The following SHROOM3 variants were observed in gnomAD, a reference collection of about 807,000 sequenced individuals.
SHROOM3 encodes shroom family member 3.
A neutral mutation model predicts 138.6 loss-of-function variants in SHROOM3; 47 were observed. That is an observed-to-expected ratio of 0.34 (90% CI 0.27 to 0.43). SHROOM3 has a LOEUF of 0.43. Among genes scored for constraint, SHROOM3 ranks in the 20% least tolerant of loss-of-function variants. The pLI is 1.00. For missense variants in SHROOM3, 2,491 were observed against 2,596.5 expected, an observed-to-expected ratio of 0.96 and a Z score of 0.88; for synonymous variants, 1,062 against 1,063.3, an observed-to-expected ratio of 1.00 and a Z score of 0.02.
chr4:76,480,469 A>G (rs1466680178), intron 1 of SHROOM3, among the ~76,000 whole-genome samples: 2 of 152,214 alleles, frequency 1.3e-5, no homozygotes, highest in African/African-American at 4.8e-5. Context: ...CCAATACAGG[A>G]GCACCCAGAT....
At chr4:76,703,089 G>A (rs1237997760) in intron 2 of SHROOM3, among the ~76,000 whole-genome samples, 25 of 152,220 alleles carry the variant, frequency 1.6e-4, no homozygotes, top group Non-Finnish European at 2.9e-5. Context: ...AGCAGGAGGT[G>A]CAAATGGACA....
intron 4 of SHROOM3, among the ~76,000 whole-genome samples, chr4:76,732,140 G>T (rs1237500423): frequency 2.0e-5 from 3 of 152,186 alleles, no homozygotes; most frequent in Non-Finnish European, 4.4e-5. Context: ...CAGGGAGTTA[G>T]ACTCCGTAGC....
rs572171894 is a variant in SHROOM3 at position 76,553,487 on chromosome 4, G to A, written c.169-2122G>A. ...GACGGGGTTTCACCATGTTGGCCAG[G>A]CTGGTCTCGAACTCCTGACCTCAGG... On this transcript the variant is annotated intron_variant, in intron 1 of 10. Coordinates refer to ENST00000296043, the MANE Select transcript of SHROOM3 (RefSeq NM_020859.4). 1.0e-3 allele frequency among the ~76,000 whole-genome samples: 152 copies of A among 152,076 alleles called. 1 individual carries two copies. The highest frequency in any genetic ancestry group is 6.8e-3 in the Middle Eastern group (2 of 294).
chr4:76,462,813 C>G (rs887139088), intron 1 of SHROOM3, among the ~76,000 whole-genome samples: 1 of 151,898 alleles, frequency 6.6e-6, no homozygotes, highest in Admixed American at 6.6e-5. Flanking sequence ...TTCCCTTTTG[C>G]CTTCCACCAT....
At chr4:76,613,122 G>C (rs1734798377) in intron 2 of SHROOM3, among the ~76,000 whole-genome samples, 2 of 152,158 alleles carry the variant, frequency 1.3e-5, no homozygotes, top group Non-Finnish European at 2.9e-5. Flanking sequence ...ACGAGTTGGT[G>C]GGGGCATTGT....
At position 76,740,577 on chromosome 4, in the gene SHROOM3, G is replaced by T. The variant is rs769127601; in HGVS notation, c.2404G>T (p.Gly802Cys). The change falls in exon 5 of 11, where the codon GGC becomes TGC. Residue 802 changes from glycine to cysteine, a missense_variant. Physicochemically the swap from Gly to Cys is radical, Grantham distance 159. Transcript: ENST00000296043. This position sits in a 1 kb window ranked among gnomAD's most constrained non-coding sequence, Gnocchi z 4.0. The part of the protein sequence containing the change: ...EQGSQRPSVG[G>C]SGFGHNYRPH... ...AGGGAGCCAGAGACCGAGTGTGGGCGGCTCTGGTTTTGGCCATAACTATAG... is the reference window on the plus strand; with the variant it reads ...AGGGAGCCAGAGACCGAGTGTGGGCTGCTCTGGTTTTGGCCATAACTATAG... 6.2e-6 allele frequency: 10 copies of T among 1,614,130 alleles called. No homozygotes were observed. Among genetic ancestry groups the T allele is most frequent in the Admixed American group, 3.3e-5 (2 of 60,028 alleles).
intron 1 of SHROOM3, among the ~76,000 whole-genome samples, chr4:76,524,737 C>T (rs956696449): frequency 6.6e-6 from 1 of 152,134 alleles, no homozygotes; most frequent in Admixed American, 6.5e-5. Flanking sequence ...ACCCCTTCAC[C>T]CTGCCCCCAA....
At chr4:76,620,091 A>AAAAAAAAAAAAAAAAAAAAAAAAAAAAAC (rs749696462) in intron 2 of SHROOM3, among the ~76,000 whole-genome samples, 1 of 135,354 alleles carries the variant, frequency 7.4e-6, no homozygotes, top group Non-Finnish European at 1.5e-5. Flanking sequence ...AAAAAAAAAA[A>AAAAAAAAAAAAAAAAAAAAAAAAAAAAAC]AAGAAGAAAA....
intron 1 of SHROOM3, among the ~76,000 whole-genome samples, chr4:76,499,443 T>TACTATA (rs1553918151): frequency 1.2e-5 from 1 of 86,472 alleles, no homozygotes; most frequent in Non-Finnish European, 2.8e-5. Flanking sequence ...AGCAAATACT[T>TACTATA]AGAATAGGAT....
chr4:76,445,767 C>T lies in SHROOM3; in HGVS notation c.168+9547C>T, dbSNP rs756768804. On this transcript the variant is annotated intron_variant, in intron 1 of 10. Transcript: ENST00000296043. ...CTATTCATGGTGAAATGGACAGACC[C>T]ATGGCAGGTACTTAAACCCTGGGAG... is the stretch of plus-strand genomic sequence containing the variant. 6.9e-4 allele frequency among the ~76,000 whole-genome samples: 105 copies of T among 152,114 alleles called. 2 individuals are homozygous for T. The highest frequency in any genetic ancestry group is 1.9e-4 in the Non-Finnish European group (13 of 68,016).
chr4:76,452,948 C>T (rs920394939), intron 1 of SHROOM3, among the ~76,000 whole-genome samples: 4 of 152,142 alleles, frequency 2.6e-5, no homozygotes, highest in African/African-American at 4.8e-5. Context: ...AAACTCTTGA[C>T]CTCAGGTGAC....
At chr4:76,492,933 T>C (rs1398163349) in intron 1 of SHROOM3, among the ~76,000 whole-genome samples, 1 of 152,074 alleles carries the variant, frequency 6.6e-6, no homozygotes, top group Non-Finnish European at 1.5e-5. Context: ...AGATAAAAGA[T>C]GATGCAGTTG....
intron 2 of SHROOM3, among the ~76,000 whole-genome samples, chr4:76,623,842 T>A (rs144275064): frequency 2.6e-5 from 4 of 152,264 alleles, no homozygotes; most frequent in Admixed American, 1.3e-4. Context: ...AAATGAGAGA[T>A]CTGGGCGGGG....
chr4:76,565,611 T>C (rs1187419554), intron 2 of SHROOM3, among the ~76,000 whole-genome samples: 1 of 151,990 alleles, frequency 6.6e-6, no homozygotes, highest in Non-Finnish European at 1.5e-5. Context: ...GCCTCCGGAG[T>C]AGCTGGGACT....
rs767273874 is a variant in SHROOM3 at position 76,755,081 on chromosome 4, C to T, written c.4598C>T (p.Pro1533Leu). The change falls in exon 7 of 11, where the codon CCA (proline) becomes CTA (leucine). Residue 1533 changes from proline to leucine, a missense_variant. Pro to Leu is a moderately conservative substitution (Grantham distance 98, BLOSUM62 -3). Around this residue, in one of 4 missense-constraint regions of SHROOM3, gnomAD observed 470 missense variants for 595.0 expected, o/e 0.79. Transcript: ENST00000296043. ...CCTCTTCCCCCACCCCCACCTCCTC[C>T]ACCGAGTCAGGAAACCCCGGTGTAT... ...FEPLPPPPPP[P>L]PSQETPVYSM... 2.2e-5 allele frequency: 35 copies of T among 1,598,832 alleles called. No individual in the cohort carries two copies. Among genetic ancestry groups the T allele is most frequent in the Non-Finnish European group, 2.8e-5 (33 of 1,170,172 alleles).
At chr4:76,495,766 G>C (rs556794391) in intron 1 of SHROOM3, among the ~76,000 whole-genome samples, 2 of 152,336 alleles carry the variant, frequency 1.3e-5, no homozygotes, top group Non-Finnish European at 2.9e-5. Context: ...GAGAATGGGA[G>C]CAGTGTCTGA....
intron 2 of SHROOM3, among the ~76,000 whole-genome samples, chr4:76,572,800 G>T (rs1577893769): frequency 6.6e-6 from 1 of 152,144 alleles, no homozygotes; most frequent in Admixed American, 6.5e-5. Context: ...ATGAACACAG[G>T]CTGGGTTCAG....
intron 2 of SHROOM3, among the ~76,000 whole-genome samples, chr4:76,648,374 A>G (rs180896431): frequency 1.3e-5 from 2 of 152,338 alleles, no homozygotes; most frequent in East Asian, 3.9e-4. Flanking sequence ...TTAACTTTTC[A>G]TAAGTGTCTG....
intron 2 of SHROOM3, among the ~76,000 whole-genome samples, chr4:76,631,549 A>G (rs1369594278): frequency 6.6e-6 from 1 of 152,084 alleles, no homozygotes; most frequent in Admixed American, 6.5e-5. Flanking sequence ...AAACCATAGG[A>G]AAGAACCAGC....
Sources: allele counts gnomAD v4.1 joint callset (sites outside exome capture counted in the v4.1 genomes callset), GRCh38; gene constraint gnomAD v4.1.1; regional missense constraint gnomAD v4.1.1; non-coding constraint Gnocchi (gnomAD v3.1); transcripts MANE v1.5; gene names NCBI Gene and HGNC (gene_info 2026-07-23, HGNC 2026-07-21).